Variants in TTLL5 observed in about 807,000 individuals in gnomAD.
TTLL5 encodes tubulin tyrosine ligase like 5.
Under a neutral mutation model 168.4 loss-of-function variants are expected in TTLL5, and 132 were observed. The ratio of observed to expected loss-of-function variants is 0.78; its 90% CI spans 0.68 to 0.91. TTLL5 has a LOEUF of 0.91. TTLL5 is among the 40% of genes least tolerant of loss of function. The pLI, the probability that TTLL5 is intolerant of heterozygous loss-of-function variation, is 0.00. For missense variants in TTLL5, 1,545 were observed against 1,581.5 expected, an observed-to-expected ratio of 0.98 and a Z score of 0.39; for synonymous variants, 546 against 558.6, an observed-to-expected ratio of 0.98 and a Z score of 0.32.
chr14:75,907,931 G>T (rs1050271634), intron 31 of TTLL5, among the ~76,000 whole-genome samples: 1 of 152,194 alleles, frequency 6.6e-6, no homozygotes, highest in Non-Finnish European at 1.5e-5. Flanking sequence ...ATGTCCATCT[G>T]CTTCTAGGAC....
intron 23 of TTLL5, among the ~76,000 whole-genome samples, chr14:75,778,701 GAA>G (rs1443033546): frequency 6.6e-6 from 1 of 152,058 alleles, no homozygotes; most frequent in Non-Finnish European, 1.5e-5. Context: ...TCAAGAAAAA[GAA>G]AAAGAAAAGA....
chr14:75,791,694 A>G (rs1335333484), intron 26 of TTLL5, among the ~76,000 whole-genome samples: 1 of 152,194 alleles, frequency 6.6e-6, no homozygotes. Context: ...AACTACATAT[A>G]CAGCTATTAT....
At chr14:75,909,223 T>C (rs187841198) in intron 31 of TTLL5, among the ~76,000 whole-genome samples, 39 of 144,410 alleles carry the variant, frequency 2.7e-4, no homozygotes, top group African/African-American at 9.3e-4. Context: ...CAGTCCTGAG[T>C]ATCTACACCC....
Position 75,886,819 on chromosome 14 carries a change from C to CT in TTLL5, c.3740+3923dup, listed in dbSNP as rs1214356114. Reference sequence around the variant, plus strand: ...ATCTGAACTGTCTCTTGTAAATGAGCTTTTTTCAGAGCCAGAATCATACTC... The same window carrying CT: ...ATCTGAACTGTCTCTTGTAAATGAGCTTTTTTTCAGAGCCAGAATCATACTC... On this transcript the variant is annotated intron_variant, in intron 30 of 31. Coordinates refer to ENST00000298832, the MANE Select transcript of TTLL5 (RefSeq NM_015072.5). 2.6e-6 allele frequency: 4 copies of CT among 1,566,748 alleles called. No homozygotes were observed. The South Asian group carries it at 3.5e-5, about 14-fold the overall frequency.
intron 28 of TTLL5, among the ~76,000 whole-genome samples, chr14:75,848,298 C>T (rs1292596035): frequency 2.6e-5 from 4 of 152,026 alleles, no homozygotes; most frequent in Non-Finnish European, 5.9e-5. Context: ...TAGGTTTGAA[C>T]CCAGCTACAA....
rs545222029 is a variant in TTLL5, at chr14:75,921,757, T to C, written c.3823+19533T>C. Among the ~76,000 whole-genome samples, 5 of 152,374 alleles carry C rather than the reference T, an allele frequency of 3.3e-5. No homozygotes were observed. In the East Asian group the frequency reaches 9.6e-4, roughly 29 times the overall value. ...ACTTTAAAGTAGTTTTTTCCAATTCTGTGAAGAAAGTCATTGGTAGCTTGA... is the reference window on the plus strand; with the variant it reads ...ACTTTAAAGTAGTTTTTTCCAATTCCGTGAAGAAAGTCATTGGTAGCTTGA... On this transcript the variant is annotated intron_variant, in intron 31 of 31. Coordinates refer to ENST00000298832, the MANE Select transcript of TTLL5 (RefSeq NM_015072.5).
chr14:75,864,250 G>A (rs1469362497), intron 29 of TTLL5, among the ~76,000 whole-genome samples: 2 of 152,106 alleles, frequency 1.3e-5, no homozygotes, highest in Non-Finnish European at 2.9e-5. Context: ...TTCTTGCCTT[G>A]ATATACTTGG....
chr14:75,707,115 A>G, intron 8 of TTLL5, 28 bp downstream of exon 8: 2 of 1,581,482 alleles, frequency 1.3e-6, no homozygotes, highest in Non-Finnish European at 1.7e-6. Flanking sequence ...CCTTGACCAA[A>G]TTGGGCCAGA....
At chr14:75,765,946 C>T (rs1890951884) in intron 19 of TTLL5, 116 bp from the exon 20 acceptor site, 1 of 774,472 alleles carries the variant, frequency 1.3e-6, no homozygotes, top group Non-Finnish European at 2.1e-6. Context: ...TAATTCTGTG[C>T]CTTGTTTGTG....
Position 75,809,601 on chromosome 14 carries a change from A to G in TTLL5, c.3172-10406A>G, listed in dbSNP as rs201514066. ...CATTAACAAGTCTTCCCTTGTGACT[A>G]TTTTGAGATATACAATAAATTGTTA... is the stretch of plus-strand genomic sequence containing the variant. On this transcript the variant is annotated intron_variant, in intron 27 of 31. Transcript: ENST00000298832. Among the ~76,000 whole-genome samples the G allele has an allele frequency of 5.3e-5, 8 of 152,318 alleles. No individual in the cohort carries two copies. In the East Asian group the frequency reaches 1.3e-3, roughly 26 times the overall value.
intron 12 of TTLL5, among the ~76,000 whole-genome samples, chr14:75,731,059 C>G (rs1594939120): frequency 1.3e-5 from 2 of 152,098 alleles, no homozygotes; most frequent in Non-Finnish European, 2.9e-5. Flanking sequence ...TTCAGACTCC[C>G]TGTGTTCTAG....
chr14:75,835,836 T>G (rs1566624644), intron 28 of TTLL5, among the ~76,000 whole-genome samples: 2 of 152,180 alleles, frequency 1.3e-5, no homozygotes, highest in South Asian at 4.1e-4. Context: ...AAATCAAAAC[T>G]TCAGTGAGAT....
rs190610107 is a variant in TTLL5, at chr14:75,745,791, C to T, written c.1487+210C>T. 2.4e-3 allele frequency among the ~76,000 whole-genome samples: 365 copies of T among 151,972 alleles called. 1 individual carries two copies. Among genetic ancestry groups the T allele is most frequent in the African/African-American group, 8.3e-3 (344 of 41,446 alleles). On this transcript the variant is annotated intron_variant, in intron 17 of 31. Transcript: ENST00000298832. ...TTTCTCCCTTTTAATCCTCTGCCTC[C>T]CTCCTAACTAGCTTCCTATCCCAGG...
At chr14:75,946,111 T>C (rs748330266) in intron 31 of TTLL5, among the ~76,000 whole-genome samples, 2 of 152,156 alleles carry the variant, frequency 1.3e-5, no homozygotes, top group Non-Finnish European at 2.9e-5. Flanking sequence ...GAGGAAGGTA[T>C]TATAATACCA....
At chr14:75,702,675 T>C (rs530269944) in intron 7 of TTLL5, among the ~76,000 whole-genome samples, 33 of 152,094 alleles carry the variant, frequency 2.2e-4, no homozygotes, top group African/African-American at 7.7e-4. Flanking sequence ...TCTTAGAGAA[T>C]GTGTTTGGCA....
chr14:75,736,660 A>G (rs1175863148), intron 15 of TTLL5, among the ~76,000 whole-genome samples: 2 of 152,202 alleles, frequency 1.3e-5, no homozygotes, highest in South Asian at 2.1e-4. Flanking sequence ...ATTGGCAGCC[A>G]CTTCATTAGA....
intron 9 of TTLL5, among the ~76,000 whole-genome samples, chr14:75,713,057 A>G (rs181001057): frequency 1.3e-5 from 2 of 152,304 alleles, no homozygotes; most frequent in East Asian, 3.9e-4. Flanking sequence ...GAACTTTCCT[A>G]AATCTTGATC....
chr14:75,889,882 A>G (rs1595214848), intron 30 of TTLL5, among the ~76,000 whole-genome samples: 1 of 105,356 alleles, frequency 9.5e-6, no homozygotes, highest in African/African-American at 3.7e-5. Context: ...GGAGGGAGGG[A>G]GGGAGGAGGT....
chr14:75,816,647 A>G (rs987698723), intron 27 of TTLL5, among the ~76,000 whole-genome samples: 1 of 152,238 alleles, frequency 6.6e-6, no homozygotes, highest in African/African-American at 2.4e-5. Context: ...CCTATAAATT[A>G]TTAAGCCTCC....
Sources: gnomAD v4.1 joint callset for allele counts (sites outside exome capture counted in the v4.1 genomes callset) on GRCh38, gnomAD v4.1.1 for gene constraint, MANE v1.5 for transcripts, NCBI Gene and HGNC (gene_info 2026-07-23, HGNC 2026-07-21) for gene names.